The following IGF1R variants were observed in gnomAD, a reference collection of about 807,000 sequenced individuals.
IGF1R encodes the protein insulin like growth factor 1 receptor.
IGF1R carries 44 observed loss-of-function variants against 144.6 expected under a neutral mutation model. The observed-to-expected ratio is 0.30, with a 90% CI of 0.24 to 0.39. The LOEUF (loss-of-function observed/expected upper bound fraction) is 0.39. Ranked by LOEUF, IGF1R falls within the 10% of genes least tolerant of loss-of-function variation. IGF1R has a pLI of 1.00. For synonymous variants in IGF1R, 795 were observed against 722.8 expected (o/e 1.10, Z -1.60); for missense variants, 1,355 against 1,833.7 (o/e 0.74, Z 4.77).
At chr15:98,688,467 T>TAA (rs2053392362) in intron 1 of IGF1R, among the ~76,000 whole-genome samples, 1 of 151,150 alleles carries the variant, frequency 6.6e-6, no homozygotes, top group Non-Finnish European at 1.5e-5. Flanking sequence ...CACTGTTATT[T>TAA]CATGTGTATA....
chr15:98,673,867 T>G (rs1163484020), intron 1 of IGF1R, among the ~76,000 whole-genome samples: 1 of 152,218 alleles, frequency 6.6e-6, no homozygotes, highest in Non-Finnish European at 1.5e-5. Flanking sequence ...GGCCAGCATC[T>G]TTTTCCCTGT....
chr15:98,767,583 AT>A (rs1300009097), intron 2 of IGF1R, among the ~76,000 whole-genome samples: 2 of 152,350 alleles, frequency 1.3e-5, no homozygotes, highest in African/African-American at 4.8e-5. Flanking sequence ...AATATTTCTT[AT>A]TGTTGATAAT....
chr15:98,698,544 A>T (rs1042296427), intron 1 of IGF1R, among the ~76,000 whole-genome samples: 4 of 152,146 alleles, frequency 2.6e-5, no homozygotes, highest in Non-Finnish European at 5.9e-5. Flanking sequence ...AATCCGCAGG[A>T]TTTCTCCTTT....
chr15:98,948,449 A>T, intron 19 of IGF1R, 125 bp from the exon 20 acceptor site: 1 of 1,017,044 alleles, frequency 9.8e-7, no homozygotes, highest in Non-Finnish European at 1.6e-6. Flanking sequence ...TCGCTGTCTG[A>T]CAAGCACTGT....
chr15:98,943,096 T>G, intron 19 of IGF1R, 44 bp downstream of exon 19: 1 of 1,611,086 alleles, frequency 6.2e-7, no homozygotes, highest in East Asian at 2.2e-5. Flanking sequence ...GCCCCCAGCC[T>G]CTGCACTTTC....
Position 98,933,911 on chromosome 15 carries a change from T to C in IGF1R, c.2957-913T>C, listed in dbSNP as rs542595308. 3.9e-5 allele frequency among the ~76,000 whole-genome samples: 6 copies of C among 152,330 alleles called. No homozygotes were observed. In the East Asian group the frequency reaches 1.2e-3, roughly 29 times the overall value. ...CATCAAAGCCAAGGCTGGGGGACAC[T>C]TGGACTAGAGTAATCCTACCAATAA... On this transcript the variant is annotated intron_variant, in intron 15 of 20. Transcript: ENST00000650285.
chr15:98,827,494 C>G (rs1276354225), intron 2 of IGF1R, among the ~76,000 whole-genome samples: 1 of 152,194 alleles, frequency 6.6e-6, no homozygotes, highest in Non-Finnish European at 1.5e-5. Flanking sequence ...AACCCTCAGA[C>G]TTGGTAAACC....
intron 1 of IGF1R, among the ~76,000 whole-genome samples, chr15:98,677,288 A>AT (rs2053072335): frequency 1.3e-5 from 2 of 152,066 alleles, no homozygotes; most frequent in South Asian, 2.1e-4. Context: ...AAGCTCTGGT[A>AT]TTTTCTGTAC....
At chr15:98,874,554 C>T (rs1036199437) in intron 2 of IGF1R, among the ~76,000 whole-genome samples, 1 of 152,102 alleles carries the variant, frequency 6.6e-6, no homozygotes, top group Non-Finnish European at 1.5e-5. Flanking sequence ...TGACAAGAGC[C>T]GTGGGCTCAG....
At chr15:98,671,343 T>C (rs772644130) in intron 1 of IGF1R, among the ~76,000 whole-genome samples, 3 of 152,180 alleles carry the variant, frequency 2.0e-5, no homozygotes, top group Non-Finnish European at 2.9e-5. Context: ...AGATTCAACA[T>C]TGGGAAAGAA....
chr15:98,711,719 TTC>T (rs1320585680), intron 2 of IGF1R, among the ~76,000 whole-genome samples: 2 of 152,182 alleles, frequency 1.3e-5, no homozygotes, highest in Non-Finnish European at 2.9e-5. Context: ...CAGGTGCCGC[TTC>T]TCTGTCTCCC....
chr15:98,693,947 C>A (rs879712966), intron 1 of IGF1R, among the ~76,000 whole-genome samples: 4 of 152,190 alleles, frequency 2.6e-5, no homozygotes, highest in Non-Finnish European at 5.9e-5. Flanking sequence ...CAAGGGTAGA[C>A]TTCTTCAAGG....
intron 2 of IGF1R, among the ~76,000 whole-genome samples, chr15:98,813,702 T>C (rs1252712198): frequency 6.6e-6 from 1 of 152,192 alleles, no homozygotes; most frequent in African/African-American, 2.4e-5. Flanking sequence ...GATTGTCACA[T>C]ACAGTACCCA....
Position 98,837,789 on chromosome 15 carries a change from C to A in IGF1R, c.641-53536C>A, listed in dbSNP as rs75046766. On this transcript the variant is annotated intron_variant, in intron 2 of 20. Transcript: ENST00000650285. The stretch of plus-strand genomic sequence containing the variant: ...TAGGAAAGACCTGCTCCTTCTCAAA[C>A]TCTAAACAGTTTCATTCACCATACT... Among the ~76,000 whole-genome samples, 414 of 152,300 alleles carry A rather than the reference C, an allele frequency of 2.7e-3. 1 individual carries two copies. Among genetic ancestry groups the A allele is most frequent in the African/African-American group, 9.7e-3 (402 of 41,550 alleles).
rs2151682968 is a variant in IGF1R at position 98,916,773 on chromosome 15, T to A, written c.2098T>A (p.Cys700Ser). Residue 700 changes from cysteine to serine, a missense_variant, in exon 10 of 21, where the codon TGC (cysteine) becomes AGC (serine). Cys to Ser is a moderately radical substitution (Grantham distance 112). Around this residue, in one of 7 missense-constraint regions of IGF1R, gnomAD observed 880 missense variants for 1,202.7 expected, o/e 0.73. Transcript: ENST00000650285. Reference protein sequence around the residue: ...EVCGGEKGPCCACPKTEAEKQ... With the variant: ...EVCGGEKGPCSACPKTEAEKQ... ...GTGTGGTGGGGAGAAAGGGCCTTGCTGCGCCTGCCCCAAAACTGAAGCCGA... is the reference window on the plus strand; with the variant it reads ...GTGTGGTGGGGAGAAAGGGCCTTGCAGCGCCTGCCCCAAAACTGAAGCCGA... 6.2e-7 allele frequency: 1 copy of A among 1,614,106 alleles called. No homozygotes were observed. The highest frequency in any genetic ancestry group is 8.5e-7 in the Non-Finnish European group (1 of 1,179,996).
chr15:98,775,636 C>T (rs183139814), intron 2 of IGF1R, among the ~76,000 whole-genome samples: 346 of 152,344 alleles, frequency 2.3e-3, no homozygotes, highest in Admixed American at 4.6e-3. Context: ...ATCAGAGCAA[C>T]ACCTGGCTTC....
At chr15:98,712,954 C>G (rs953264539) in intron 2 of IGF1R, among the ~76,000 whole-genome samples, 2 of 150,072 alleles carry the variant, frequency 1.3e-5, no homozygotes, top group Admixed American at 1.3e-4. Context: ...ACCTGAAATC[C>G]TGTAGCAAGT....
chr15:98,912,975 T>A (rs1213229811), intron 7 of IGF1R, 69 bp from the exon 8 acceptor site: 1 of 1,010,318 alleles, frequency 9.9e-7, no homozygotes, highest in African/African-American at 1.6e-5. Flanking sequence ...ATGCTGGGCC[T>A]CTGGGGAAGA....
chr15:98,888,540 C>CAT (rs2013754914), intron 2 of IGF1R, among the ~76,000 whole-genome samples: 1 of 151,728 alleles, frequency 6.6e-6, no homozygotes, highest in Non-Finnish European at 1.5e-5. Context: ...TGGTAGACAG[C>CAT]ATATATATCC....
Sources: gnomAD v4.1 joint callset for allele counts (sites outside exome capture counted in the v4.1 genomes callset) on GRCh38, gnomAD v4.1.1 for gene constraint, gnomAD v4.1.1 regional missense constraint, MANE v1.5 for transcripts, NCBI Gene and HGNC (gene_info 2026-07-23, HGNC 2026-07-21) for gene names.